MCM3AP: variants seen among roughly 807,000 people sequenced by gnomAD.
MCM3AP encodes the protein germinal-center associated nuclear protein.
Under a neutral mutation model 184.1 loss-of-function variants are expected in MCM3AP, and 126 were observed. That is an observed-to-expected ratio of 0.68 (90% CI 0.59 to 0.79). The LOEUF (loss-of-function observed/expected upper bound fraction) is 0.79. Among genes scored for constraint, MCM3AP ranks in the 30% least tolerant of loss-of-function variants. The pLI is 0.00. For synonymous variants in MCM3AP, 1,002 were observed against 979.3 expected (o/e 1.02, Z -0.43); for missense variants, 2,496 against 2,479.2 (o/e 1.01, Z -0.14).
In MCM3AP at chr21:46,273,801, G is replaced by T. The variant is rs2081219346; in HGVS notation, c.1999-216C>A. 2.0e-5 allele frequency among the ~76,000 whole-genome samples: 3 copies of T among 152,200 alleles called. No individual in the cohort carries two copies. In the South Asian group the frequency reaches 6.2e-4, roughly 31 times the overall value. On this transcript the variant is annotated intron_variant, in intron 6 of 27. Transcript: ENST00000291688. ...TTTGGCAAATATGACAAGGAGTTAA[G>T]ATATGAGTGCGTCATGACAAACAGG...
At position 46,256,954 on chromosome 21, in the gene MCM3AP, A is replaced by G. The variant is rs758563909; in HGVS notation, c.3767T>C (p.Leu1256Pro). ...WREAVTARKK[L>P]RRQMRAFPAA... ...AGGGAAAGCCCGCATTTGGCGCCTCAGTTTCTTGCGGGCTGTGACAGCTTC... is the reference window on the plus strand; with the variant it reads ...AGGGAAAGCCCGCATTTGGCGCCTCGGTTTCTTGCGGGCTGTGACAGCTTC... The change falls in exon 17 of 28, where the codon CTG becomes CCG. Residue 1256 changes from leucine (L) to proline (P), a missense_variant. By Grantham distance (98) the Leu-to-Pro change is moderately conservative (BLOSUM62 -3). Around this residue, in one of 5 missense-constraint regions of MCM3AP, gnomAD observed 1,323 missense variants for 1,273.4 expected, o/e 1.04. Transcript: ENST00000291688. 3.7e-6 allele frequency: 6 copies of G among 1,612,496 alleles called. No homozygotes were observed.
At position 46,266,149 on chromosome 21, in the gene MCM3AP, C is replaced by T; in HGVS notation, c.2807G>A (p.Arg936Gln). 1 of 1,609,724 alleles carries T rather than the reference C, an allele frequency of 6.2e-7. No homozygotes were observed. Residue 936 changes from arginine (R) to glutamine (Q), a missense_variant, in exon 11 of 28, where the codon CGG becomes CAG. By Grantham distance (43) the Arg-to-Gln change is conservative. Transcript: ENST00000291688. Reference sequence around the variant, plus strand: ...TCCCTCTGGTTCCAGGAATGCAGACCGGTTCAGCTCCACACAGCTACCCAG... The same window carrying T: ...TCCCTCTGGTTCCAGGAATGCAGACTGGTTCAGCTCCACACAGCTACCCAG... ...TVSDGCVELN[R>Q]SAFLEPEGLS...
chr21:46,264,197 G>A lies in MCM3AP; in HGVS notation c.3255C>T (p.Asp1085=), dbSNP rs1030624139. ...YSDEDLAQVV[D]ELIQEALQRD... Reference sequence around the variant, plus strand: ...TCTGCAGGGCCTCCTGGATGAGCTCGTCCACCACCTGCGCCAGGTCCTGTG... The same window carrying A: ...TCTGCAGGGCCTCCTGGATGAGCTCATCCACCACCTGCGCCAGGTCCTGTG... Residue 1085 remains aspartate, a synonymous_variant, in exon 13 of 28, where the codon GAC becomes GAT. Coordinates refer to ENST00000291688, the MANE Select transcript of MCM3AP (RefSeq NM_003906.5). The A allele has an allele frequency of 6.2e-6, 10 of 1,612,794 alleles. No homozygotes were observed. Among genetic ancestry groups the A allele is most frequent in the Non-Finnish European group, 8.5e-6 (10 of 1,179,504 alleles).
chr21:46,235,570 G>A (rs373084714), intron 27 of MCM3AP, 144 bp from the exon 28 acceptor site: 3 of 659,358 alleles, frequency 4.5e-6, no homozygotes, highest in East Asian at 5.4e-5. Context: ...ATTATCCTTT[G>A]TATATCCTTC....
At chr21:46,280,690 T>G in intron 2 of MCM3AP, 115 bp from the exon 3 acceptor site, 3 of 693,192 alleles carry the variant, frequency 4.3e-6, no homozygotes, top group Non-Finnish European at 5.2e-6. Flanking sequence ...CAGGAGCTCC[T>G]GTCCTTTGCA....
At chr21:46,274,795 C>T (rs368821421) in intron 6 of MCM3AP, among the ~76,000 whole-genome samples, 291 of 151,678 alleles carry the variant, frequency 1.9e-3, no homozygotes, top group African/African-American at 6.5e-3. Context: ...AGTAACTAGG[C>T]GTGGTGGAGC....
At chr21:46,251,833 C>T (rs1443598730) in intron 19 of MCM3AP, 151 bp from the exon 20 acceptor site, 1 of 501,072 alleles carries the variant, frequency 2.0e-6, no homozygotes, top group Non-Finnish European at 3.6e-6. Flanking sequence ...AGCTGATCTG[C>T]ACAAAACAGG....
chr21:46,263,611 G>A (rs2081069204), intron 13 of MCM3AP, among the ~76,000 whole-genome samples: 2 of 151,054 alleles, frequency 1.3e-5, no homozygotes, highest in South Asian at 4.2e-4. Context: ...ATGGCGAAAA[G>A]CATCTCCACA....
At chr21:46,243,268 G>T in intron 24 of MCM3AP, 197 bp downstream of exon 24, 1 of 718,104 alleles carries the variant, frequency 1.4e-6, no homozygotes, top group Non-Finnish European at 2.3e-6. Flanking sequence ...TCAGGGAGGT[G>T]AGTTCAGGCT....
In MCM3AP at chr21:46,235,261, A is replaced by C; in HGVS notation, c.*7T>G. 1 of 1,614,136 alleles carries C rather than the reference A, an allele frequency of 6.2e-7. No individual in the cohort carries two copies. Among genetic ancestry groups the C allele is most frequent in the Non-Finnish European group, 8.5e-7 (1 of 1,179,964 alleles). ...GGGAGAGACCCCCTCCCCACAGGTC[A>C]GGCTGCTCAAATGTCCACCATGTCT... On this transcript the variant is annotated 3_prime_UTR_variant, in exon 28 of 28. Transcript: ENST00000291688.
At chr21:46,271,512 A>G (rs2081179572) in intron 8 of MCM3AP, among the ~76,000 whole-genome samples, 1 of 151,724 alleles carries the variant, frequency 6.6e-6, no homozygotes, top group Non-Finnish European at 1.5e-5. Context: ...TTATTTATTC[A>G]TTTTTGTGGA....
In MCM3AP at chr21:46,251,513, A is replaced by G; in HGVS notation, c.4290+16T>C. On this transcript the variant is annotated intron_variant, in intron 20 of 27. Transcript: ENST00000291688. ...AATGAAAACACAGAAGTAAACACAA[A>G]GTAATTATAGTTCACCTTTATACAC... The G allele has an allele frequency of 2.5e-6, 4 of 1,579,420 alleles. No individual in the cohort carries two copies. Among genetic ancestry groups the G allele is most frequent in the Non-Finnish European group, 2.6e-6 (3 of 1,152,926 alleles).
chr21:46,271,919 AGTT>A (rs977953027), intron 8 of MCM3AP, among the ~76,000 whole-genome samples: 1 of 151,906 alleles, frequency 6.6e-6, no homozygotes, highest in African/African-American at 2.4e-5. Flanking sequence ...TCTGTCACAC[AGTT>A]CTTGAGGAAA....
chr21:46,237,639 T>G (rs1409112967), intron 26 of MCM3AP, among the ~76,000 whole-genome samples: 1 of 112,424 alleles, frequency 8.9e-6, no homozygotes, highest in Non-Finnish European at 1.8e-5. Flanking sequence ...TCAAGTGATG[T>G]GCACACCTCA....
rs1043331257 is a variant in MCM3AP, at chr21:46,236,698, G to A, written c.5784+131C>T. The A allele has an allele frequency of 2.8e-5, 18 of 635,210 alleles. No individual in the cohort carries two copies. The African/African-American group carries it at 3.1e-4, about 11-fold the overall frequency. 39.3% of individuals were successfully genotyped at this position (635,210 alleles called of 1,614,324 possible). A position where few individuals can be genotyped will look rare whatever the true frequency, so the allele number is the denominator to read the frequency against. On this transcript the variant is annotated intron_variant, in intron 27 of 27. Transcript: ENST00000291688. ...ATGATATGGATAAAGTTTAAGAAAA[G>A]GTCTAATTTGAGCTAATAATTTGTC... is the stretch of plus-strand genomic sequence containing the variant.
At chr21:46,237,040 T>C in intron 26 of MCM3AP, 61 bp from the exon 27 acceptor site, 1 of 1,014,328 alleles carries the variant, frequency 9.9e-7, no homozygotes, top group Non-Finnish European at 1.4e-6. Flanking sequence ...CTATTGTTCA[T>C]TAATCTTCTA....
At chr21:46,282,540 C>T (rs2081346575) in intron 2 of MCM3AP, among the ~76,000 whole-genome samples, 1 of 152,188 alleles carries the variant, frequency 6.6e-6, no homozygotes, top group Non-Finnish European at 1.5e-5. Flanking sequence ...CGCAGTGGCT[C>T]ACGCCTGTAA....
At chr21:46,276,977 T>C (rs1017947173) in intron 5 of MCM3AP, among the ~76,000 whole-genome samples, 1 of 151,872 alleles carries the variant, frequency 6.6e-6, no homozygotes, top group African/African-American at 2.4e-5. Flanking sequence ...CTTTAACTCC[T>C]GACCTCAGGT....
chr21:46,275,906 A>C (rs966768997), intron 5 of MCM3AP, among the ~76,000 whole-genome samples: 13 of 152,228 alleles, frequency 8.5e-5, no homozygotes, highest in African/African-American at 2.2e-4. Flanking sequence ...GGAAAAGGAA[A>C]TGCAACAACT....
Sources: allele counts gnomAD v4.1 joint callset (sites outside exome capture counted in the v4.1 genomes callset), GRCh38; gene constraint gnomAD v4.1.1; regional missense constraint gnomAD v4.1.1; transcripts MANE v1.5; gene names NCBI Gene and HGNC (gene_info 2026-07-23, HGNC 2026-07-21).